Variants in TUSC3 observed in about 807,000 individuals in gnomAD.
TUSC3 encodes the protein tumor suppressor candidate 3.
A neutral mutation model predicts 44.8 loss-of-function variants in TUSC3; 45 were observed. The ratio of observed to expected loss-of-function variants is 1.00; its 90% CI spans 0.79 to 1.29. The LOEUF is 1.29. TUSC3 is among the 50% of genes most tolerant of loss of function. The pLI is 0.00. For missense variants in TUSC3, 519 were observed against 437.9 expected, an observed-to-expected ratio of 1.19 and a Z score of -1.65; for synonymous variants, 212 against 152.9, an observed-to-expected ratio of 1.39 and a Z score of -2.85.
At chr8:15,811,283 G>A in the TUSC3 span, among the ~76,000 whole-genome samples, 2 of 152,068 alleles carry the variant, frequency 1.3e-5, no homozygotes, top group Non-Finnish European at 2.9e-5. Context: ...GAGGTTTAGG[G>A]GTAGCAGTCG....
At chr8:15,484,544 C>G (rs1264997202) in intron 2 of TUSC3, among the ~76,000 whole-genome samples, 2 of 152,120 alleles carry the variant, frequency 1.3e-5, no homozygotes, top group African/African-American at 4.8e-5. Flanking sequence ...GAAAATTATC[C>G]AACATGTCTA....
chr8:15,683,050 A>T (rs1808489692), intron 6 of TUSC3, among the ~76,000 whole-genome samples: 1 of 152,070 alleles, frequency 6.6e-6, no homozygotes, highest in African/African-American at 2.4e-5. Context: ...TTCAGAGGTG[A>T]TATGACCCTT....
At chr8:15,531,391 A>G (rs961661218) in intron 2 of TUSC3, among the ~76,000 whole-genome samples, 1 of 152,246 alleles carries the variant, frequency 6.6e-6, no homozygotes, top group East Asian at 1.9e-4. Context: ...AGCTGGGATT[A>G]CAGGCACCCG....
At chr8:15,503,100 A>C (rs1281281979) in intron 2 of TUSC3, among the ~76,000 whole-genome samples, 1 of 152,184 alleles carries the variant, frequency 6.6e-6, no homozygotes, top group Non-Finnish European at 1.5e-5. Flanking sequence ...AAATCCCCAG[A>C]ACCTCGGAAT....
At chr8:15,527,037 A>G (rs538603242) in intron 2 of TUSC3, among the ~76,000 whole-genome samples, 7 of 152,356 alleles carry the variant, frequency 4.6e-5, no homozygotes, top group Non-Finnish European at 7.3e-5. Context: ...GAAAAGTTTG[A>G]ATAATTGATT....
the TUSC3 span, among the ~76,000 whole-genome samples, chr8:15,842,497 A>T: frequency 6.6e-6 from 1 of 152,180 alleles, no homozygotes; most frequent in African/African-American, 2.4e-5. Flanking sequence ...TCTGGATCAG[A>T]AGCAGACTGA....
the TUSC3 span, among the ~76,000 whole-genome samples, chr8:15,830,290 A>G: frequency 6.6e-6 from 1 of 152,016 alleles, no homozygotes; most frequent in Non-Finnish European, 1.5e-5. Flanking sequence ...TAATCTCTTT[A>G]AGTCTCATTT....
At chr8:15,709,443 C>G (rs1372545273) in intron 6 of TUSC3, among the ~76,000 whole-genome samples, 1 of 151,854 alleles carries the variant, frequency 6.6e-6, no homozygotes, top group African/African-American at 2.4e-5. Flanking sequence ...TGAACTAGCT[C>G]TAGTTAATCC....
chr8:15,792,102 C>G, the TUSC3 span, among the ~76,000 whole-genome samples: 3 of 143,746 alleles, frequency 2.1e-5, no homozygotes, highest in Non-Finnish European at 4.5e-5. Context: ...AAATGAATCT[C>G]TGATTAGCCA....
chr8:15,425,155 C>A (rs1799788070), intron 1 of TUSC3, among the ~76,000 whole-genome samples: 2 of 152,056 alleles, frequency 1.3e-5, no homozygotes, highest in African/African-American at 4.8e-5. Context: ...TAATGTCTTG[C>A]AAGCAAGGGG....
At chr8:15,826,686 G>A in the TUSC3 span, among the ~76,000 whole-genome samples, 1 of 152,122 alleles carries the variant, frequency 6.6e-6, no homozygotes, top group Admixed American at 6.6e-5. Flanking sequence ...TGTCACATAG[G>A]AGTCAGCCAC....
intron 10 of TUSC3, among the ~76,000 whole-genome samples, chr8:15,759,085 A>T (rs1812058109): frequency 6.6e-6 from 1 of 152,170 alleles, no homozygotes. Context: ...ATGTGAATGT[A>T]GAGTAGAGAT....
At chr8:15,533,249 C>T (rs566298588) in intron 2 of TUSC3, among the ~76,000 whole-genome samples, 14 of 152,246 alleles carry the variant, frequency 9.2e-5, no homozygotes, top group African/African-American at 1.4e-4. Context: ...TTTTTCTTCC[C>T]GGTCTTGGGT....
At chr8:15,522,905 A>G (rs1801316938) in intron 2 of TUSC3, among the ~76,000 whole-genome samples, 1 of 152,184 alleles carries the variant, frequency 6.6e-6, no homozygotes, top group Admixed American at 6.5e-5. Flanking sequence ...TTTATTTGAG[A>G]AGTGATTTCA....
chr8:15,650,950 A>T, intron 3 of TUSC3, 136 bp downstream of exon 3: 1 of 788,740 alleles, frequency 1.3e-6, no homozygotes, highest in Non-Finnish European at 2.2e-6. Context: ...AGATTGTGCC[A>T]CTGCATTCCA....
chr8:15,540,559 G>A lies in TUSC3; in HGVS notation c.129G>A (p.Lys43=), dbSNP rs11545036. The A allele has an allele frequency of 2.7e-5, 43 of 1,587,830 alleles. No homozygotes were observed. Among genetic ancestry groups the A allele is most frequent in the Non-Finnish European group, 3.2e-5 (37 of 1,167,912 alleles). The change falls in exon 1 of 11, where the codon AAG becomes AAA. Residue 43 remains lysine, a synonymous_variant. Coordinates refer to ENST00000503731, the MANE Select transcript of TUSC3 (RefSeq NM_006765.4). ...GCATCCAGCTCGGGGGAGGACAGAA[G>A]AAAAAGGAGGTAGAATGGATCCCCT... is the stretch of plus-strand genomic sequence containing the variant. ...LLCIQLGGGQ[K]KKENLLAEKV... is the part of the protein sequence containing the mutation.
intron 3 of TUSC3, among the ~76,000 whole-genome samples, chr8:15,651,642 C>G (rs995856003): frequency 3.9e-5 from 6 of 152,276 alleles, no homozygotes; most frequent in Middle Eastern, 3.4e-3. Context: ...GAAGAGGAGC[C>G]TCACCCGAAA....
chr8:15,600,095 T>C lies in TUSC3; in HGVS notation c.139-22985T>C, dbSNP rs543135457. ...ATTAGGCGGGACTTCTAGTATGATG[T>C]TGAAAACAAGTGGTAGAGGGGACAT... On this transcript the variant is annotated intron_variant, in intron 1 of 10. Coordinates refer to ENST00000503731, the MANE Select transcript of TUSC3 (RefSeq NM_006765.4). 4.6e-5 allele frequency among the ~76,000 whole-genome samples: 7 copies of C among 151,770 alleles called. No individual in the cohort carries two copies. The South Asian group carries it at 1.4e-3, about 31-fold the overall frequency.
At chr8:15,643,295 C>G (rs1039264807) in intron 2 of TUSC3, among the ~76,000 whole-genome samples, 3 of 152,088 alleles carry the variant, frequency 2.0e-5, no homozygotes, top group African/African-American at 7.2e-5. Context: ...TGAGAATGGA[C>G]TAATACAGTA....
Sources: gnomAD v4.1 joint callset for allele counts (sites outside exome capture counted in the v4.1 genomes callset) on GRCh38, gnomAD v4.1.1 for gene constraint, MANE v1.5 for transcripts, NCBI Gene and HGNC (gene_info 2026-07-23, HGNC 2026-07-21) for gene names.